The following SRCAP variants were observed in gnomAD, a reference collection of about 807,000 sequenced individuals.
The protein encoded by SRCAP is Snf2 related CREBBP activator protein, also known as chromatin remodeling protein SRCAP.
Under a neutral mutation model 263.1 loss-of-function variants are expected in SRCAP, and 46 were observed. That is an observed-to-expected ratio of 0.17 (90% confidence interval 0.14 to 0.22). SRCAP has a LOEUF of 0.22. Among genes scored for constraint, SRCAP ranks in the 10% least tolerant of loss-of-function variants. The pLI, the probability that SRCAP is intolerant of heterozygous loss-of-function variation, is 1.00. For missense variants in SRCAP, 3,695 were observed against 4,181.9 expected (o/e 0.88, Z 3.21); for synonymous variants, 1,813 against 1,662.1 (o/e 1.09, Z -2.21).
Position 30,737,142 on chromosome 16 carries a change from G to A in SRCAP, c.7102G>A (p.Asp2368Asn). 2 of 1,614,070 alleles carry A rather than the reference G, an allele frequency of 1.2e-6. No individual in the cohort carries two copies. Among genetic ancestry groups the A allele is most frequent in the Non-Finnish European group, 1.7e-6 (2 of 1,179,970 alleles). The change falls in exon 34 of 34, where the codon GAT (aspartate) becomes AAT (asparagine). Residue 2368 changes from aspartate (D) to asparagine (N), a missense_variant. By Grantham distance (23) the Asp-to-Asn change is conservative. Transcript: ENST00000262518. ...QEEEEGPGAG[D>N]ESSCGTGGGT... ...GGAGGAGGAGGGGCCGGGGGCTGGG[G>A]ATGAGAGTTCCTGTGGGACTGGTGG...
intron 3 of SRCAP, among the ~76,000 whole-genome samples, chr16:30,703,163 A>G (rs917720790): frequency 6.6e-6 from 1 of 151,104 alleles, no homozygotes; most frequent in Non-Finnish European, 1.5e-5. Context: ...ATATATATAT[A>G]TATATGTATG....
intron 24 of SRCAP, 59 bp downstream of exon 24, chr16:30,723,288 G>A (rs140921695): frequency 1.2e-5 from 19 of 1,534,278 alleles, no homozygotes; most frequent in Admixed American, 4.3e-5. Context: ...AGATGGGGTC[G>A]CCTCAAGGTT....
At chr16:30,734,963 G>A (rs181249455) in intron 31 of SRCAP, among the ~76,000 whole-genome samples, 80 of 152,272 alleles carry the variant, frequency 5.3e-4, no homozygotes, top group Middle Eastern at 6.8e-3. Context: ...ACTTTGGGAG[G>A]CTGAGGCTCC....
Position 30,728,303 on chromosome 16 carries a change from ATTAG to A in SRCAP, c.5659-659_5659-656del, listed in dbSNP as rs1394931562. ...GGGGCCTACCGTGTAGTGGATAGAT[ATTAG>A]TTAAATAATCATACAGATGTGTAAC... is the stretch of plus-strand genomic sequence containing the variant. On this transcript the variant is annotated intron_variant, in intron 25 of 33. Coordinates refer to ENST00000262518, the MANE Select transcript of SRCAP (RefSeq NM_006662.3). 3.3e-5 allele frequency among the ~76,000 whole-genome samples: 5 copies of A among 152,362 alleles called. No individual in the cohort carries two copies. In the East Asian group the frequency reaches 7.7e-4, roughly 23 times the overall value.
chr16:30,720,688 C>T (rs1337002992), intron 19 of SRCAP, 25 bp from the exon 20 acceptor site: 3 of 1,569,090 alleles, frequency 1.9e-6, no homozygotes, highest in East Asian at 4.5e-5. Flanking sequence ...CTGTCCCTAC[C>T]CACTCTCTTA....
rs759737302 is a variant in SRCAP, at chr16:30,737,889, C to G, written c.7849C>G (p.Pro2617Ala). ...CCTGACCTTGGAGGCTGGCAGCATC[C>G]CCAATGGTCAAGAGCAGGAGGCACC... ...PSLTLEAGSIPNGQEQEAPDS... is the reference protein window; with the variant it reads ...PSLTLEAGSIANGQEQEAPDS... Residue 2617 changes from proline (P) to alanine (A), a missense_variant, in exon 34 of 34, where the codon CCC becomes GCC. Physicochemically the swap from Pro to Ala is conservative, Grantham distance 27 (BLOSUM62 -1). This residue lies in a region of SRCAP where 1,207 missense variants were observed against 1,142.9 expected (regional missense o/e 1.06). Coordinates refer to ENST00000262518, the MANE Select transcript of SRCAP (RefSeq NM_006662.3). The G allele has an allele frequency of 6.2e-6, 10 of 1,614,152 alleles. No individual in the cohort carries two copies. The highest frequency in any genetic ancestry group is 7.6e-6 in the Non-Finnish European group (9 of 1,180,016).
Position 30,700,759 on chromosome 16 carries a change from A to G in SRCAP, c.-66A>G. The G allele has an allele frequency of 3.4e-6, 5 of 1,472,658 alleles. No homozygotes were observed. The highest frequency in any genetic ancestry group is 4.7e-6 in the Non-Finnish European group (5 of 1,057,708). 91.2% of individuals were successfully genotyped at this position (1,472,658 alleles called of 1,614,324 possible). A position where few individuals can be genotyped will look rare whatever the true frequency, so the allele number is the denominator to read the frequency against. ...GCAGCCGGACGCCAGCCCCTCGGCC[A>G]GCAGTACTGGTGATAACAACCCAGT... is the stretch of plus-strand genomic sequence containing the variant. On this transcript the variant is annotated 5_prime_UTR_variant, in exon 3 of 34. Coordinates refer to ENST00000262518, the MANE Select transcript of SRCAP (RefSeq NM_006662.3).
At chr16:30,736,758 C>T (rs564535907) in intron 33 of SRCAP, 134 bp downstream of exon 33, 167 of 967,604 alleles carry the variant, frequency 1.7e-4, no homozygotes, top group Non-Finnish European at 2.4e-4. Flanking sequence ...CTGCAGTCTC[C>T]GCCTCCCGGG....
rs143372224 is a variant in SRCAP, at chr16:30,723,897, C to G, written c.4473C>G (p.Pro1491=). Reference sequence around the variant, plus strand: ...TTGTCCCAGCGGCTCCTGGACCTCCCTCCTTGGCACCATCTGGTGCTTCCC... The same window carrying G: ...TTGTCCCAGCGGCTCCTGGACCTCCGTCCTTGGCACCATCTGGTGCTTCCC... ...APVVPAAPGP[P]SLAPSGASPS... is the part of the protein sequence containing the mutation. Residue 1491 remains proline, a synonymous_variant, in exon 25 of 34, where the codon CCC becomes CCG. Transcript: ENST00000262518. The G allele has an allele frequency of 3.7e-6, 6 of 1,614,132 alleles. No individual in the cohort carries two copies. The highest frequency in any genetic ancestry group is 5.1e-6 in the Non-Finnish European group (6 of 1,180,018).
chr16:30,702,042 C>T (rs1162636774), intron 3 of SRCAP, among the ~76,000 whole-genome samples: 2 of 152,012 alleles, frequency 1.3e-5, no homozygotes, highest in Admixed American at 1.3e-4. Flanking sequence ...CAACCTCCGC[C>T]TCCCGGGTTC....
rs2053136083 is a variant in SRCAP, at chr16:30,733,963, C to G, written c.6564C>G (p.Asp2188Glu). The change falls in exon 30 of 34, where the codon GAC becomes GAG. Residue 2188 changes from aspartate to glutamate, a missense_variant. By Grantham distance (45) the Asp-to-Glu change is conservative. Transcript: ENST00000262518. The surrounding 1 kb of genome is among the most constrained non-coding windows in gnomAD (Gnocchi z 5.3). ...CAAATCAGAAGAGAATGTTGGGGGA[C>G]ATGGCCATTGAGGGAGGCAACTTCA... Reference protein sequence around the residue: ...KKANQKRMLGDMAIEGGNFTT... With the variant: ...KKANQKRMLGEMAIEGGNFTT... 6.2e-7 allele frequency: 1 copy of G among 1,613,264 alleles called. No homozygotes were observed. Among genetic ancestry groups the G allele is most frequent in the African/African-American group, 1.3e-5 (1 of 74,998 alleles).
At chr16:30,713,762 C>T (rs1164720914) in intron 16 of SRCAP, 51 bp downstream of exon 16, 10 of 1,564,274 alleles carry the variant, frequency 6.4e-6, no homozygotes, top group African/African-American at 1.4e-5. Context: ...AGGAACCATT[C>T]CTGAGCACCT....
Position 30,712,154 on chromosome 16 carries a change from C to G in SRCAP, c.1812C>G (p.Thr604=). 5 of 1,611,868 alleles carry G rather than the reference C, an allele frequency of 3.1e-6. No homozygotes were observed. Among genetic ancestry groups the G allele is most frequent in the Non-Finnish European group, 4.2e-6 (5 of 1,178,208 alleles). ...LQPKGYTLAT[T]QVKTPIPLLL... ...CCAAGGGTTACACGCTGGCCACGAC[C>G]CAGGTATCCCCAGGTTCTGGCCTCT... The change falls in exon 12 of 34, where the codon ACC becomes ACG. Residue 604 remains threonine, a synonymous_variant. Coordinates refer to ENST00000262518, the MANE Select transcript of SRCAP (RefSeq NM_006662.3).
At chr16:30,721,030 C>G (rs1567246372) in intron 20 of SRCAP, 52 bp downstream of exon 20, 1 of 1,557,676 alleles carries the variant, frequency 6.4e-7, no homozygotes. Context: ...AAAGGTTGTT[C>G]AGACTGAGGA....
intron 27 of SRCAP, among the ~76,000 whole-genome samples, chr16:30,731,226 C>T (rs1289330175): frequency 2.0e-5 from 3 of 152,164 alleles, no homozygotes; most frequent in African/African-American, 7.2e-5. Context: ...TTAGAGCAAT[C>T]ACTGACAAAG....
chr16:30,739,817 C>G lies in SRCAP; in HGVS notation c.*84C>G. ...GACTCTGTTAACCACTACTTGAAGT[C>G]TTGAGGGGGAAAGCCTCCAGGGAGA... On this transcript the variant is annotated 3_prime_UTR_variant, in exon 34 of 34. Transcript: ENST00000262518. 1 of 1,423,706 alleles carries G rather than the reference C, an allele frequency of 7.0e-7. No individual in the cohort carries two copies. The highest frequency in any genetic ancestry group is 9.2e-7 in the Non-Finnish European group (1 of 1,085,822). 88.2% of individuals were successfully genotyped at this position (1,423,706 alleles called of 1,614,324 possible).
At chr16:30,712,898 T>A in intron 14 of SRCAP, 83 bp downstream of exon 14, 1 of 1,511,462 alleles carries the variant, frequency 6.6e-7, no homozygotes, top group Non-Finnish European at 8.9e-7. Flanking sequence ...TTCCTTTCTC[T>A]CCTCTTTCTT....
rs145457424 is a variant in SRCAP at position 30,733,317 on chromosome 16, C to G, written c.6165C>G (p.Leu2055=). ...CGTTGGCAGTGCTGTTGCGGCAGCTCAAGGCAGAGGGCCACCGAGTGCTCA... is the reference window on the plus strand; with the variant it reads ...CGTTGGCAGTGCTGTTGCGGCAGCTGAAGGCAGAGGGCCACCGAGTGCTCA... ...LQTLAVLLRQ[L]KAEGHRVLIF... The change falls in exon 28 of 34, where the codon CTC becomes CTG. Residue 2055 remains leucine (L), a synonymous_variant. Coordinates refer to ENST00000262518, the MANE Select transcript of SRCAP (RefSeq NM_006662.3). This position sits in a 1 kb window ranked among gnomAD's most constrained non-coding sequence, Gnocchi z 5.3. The G allele has an allele frequency of 8.1e-6, 13 of 1,614,082 alleles. No homozygotes were observed. The African/African-American group carries it at 1.6e-4, about 20-fold the overall frequency.
intron 25 of SRCAP, among the ~76,000 whole-genome samples, chr16:30,726,689 T>C (rs2053067676): frequency 6.6e-6 from 1 of 151,772 alleles, no homozygotes; most frequent in Non-Finnish European, 1.5e-5. Context: ...ACCTAATTTT[T>C]TTGTATTCTT....
Sources: allele counts gnomAD v4.1 joint callset (sites outside exome capture counted in the v4.1 genomes callset), GRCh38; gene constraint gnomAD v4.1.1; regional missense constraint gnomAD v4.1.1; non-coding constraint Gnocchi (gnomAD v3.1); transcripts MANE v1.5; gene names NCBI Gene and HGNC (gene_info 2026-07-23, HGNC 2026-07-21).